Variants in POLI observed in about 807,000 individuals in gnomAD.
POLI encodes DNA polymerase iota.
Under a neutral mutation model 51.6 loss-of-function variants are expected in POLI, and 58 were observed. That is an observed-to-expected ratio of 1.12 (90% CI 0.91 to 1.40). POLI has a LOEUF of 1.40. Ranked by LOEUF, POLI falls within the 40% of genes most tolerant of loss-of-function variation. The probability of loss-of-function intolerance (pLI) is 0.00; values close to 1 mark genes in which losing one functional copy is unlikely to be tolerated. For synonymous variants in POLI, 322 were observed against 299.7 expected, an observed-to-expected ratio of 1.07 and a Z score of -0.77; for missense variants, 921 against 871.3, an observed-to-expected ratio of 1.06 and a Z score of -0.72.
At chr18:54,308,630 C>T (rs1432152368) in intron 3 of POLI, among the ~76,000 whole-genome samples, 2 of 152,164 alleles carry the variant, frequency 1.3e-5, no homozygotes, top group Non-Finnish European at 2.9e-5. Flanking sequence ...GTTGGTCTGC[C>T]TTGCTAGGTT....
At chr18:54,274,475 G>T (rs990879759) in intron 3 of POLI, among the ~76,000 whole-genome samples, 1 of 151,796 alleles carries the variant, frequency 6.6e-6, no homozygotes, top group Admixed American at 6.6e-5. Flanking sequence ...ATTGAAAGAG[G>T]CTTCTGTAAC....
intron 4 of POLI, among the ~76,000 whole-genome samples, chr18:54,278,770 T>C (rs1243075739): frequency 2.6e-5 from 4 of 152,244 alleles, no homozygotes; most frequent in South Asian, 2.1e-4. Flanking sequence ...AGACATCTTA[T>C]GACTCTGCTG....
chr18:54,279,404 G>A (rs1341309410), intron 4 of POLI, among the ~76,000 whole-genome samples: 1 of 151,740 alleles, frequency 6.6e-6, no homozygotes, highest in East Asian at 1.9e-4. Flanking sequence ...CACTACACCC[G>A]GCTAATTTTT....
rs1485933488 is a variant in POLI, at chr18:54,277,725, A to G, written c.429A>G (p.Pro143=). ...KVTELLEEFS[P]VVERLGFDEN... is the part of the protein sequence containing the mutation. ...TAGAATTACTGGAAGAATTTAGTCC[A>G]GTTGTTGAGAGACTTGGATTTGATG... Residue 143 remains proline (P), a synonymous_variant, in exon 4 of 10, where the codon CCA becomes CCG. Transcript: ENST00000579534. The G allele has an allele frequency of 1.2e-6, 2 of 1,602,394 alleles. No homozygotes were observed. The highest frequency in any genetic ancestry group is 3.4e-5 in the Admixed American group (2 of 58,902).
Position 54,295,473 on chromosome 18 carries a change from A to G in POLI, c.*1006A>G, listed in dbSNP as rs2088276412. ...ATAGAGGATGTTTATAGAATATACT[A>G]AAGTATCCCTCAGCACCAATATGGG... On this transcript the variant is annotated 3_prime_UTR_variant, in exon 10 of 10. Coordinates refer to ENST00000579534, the MANE Select transcript of POLI (RefSeq NM_007195.3). 1.6e-5 allele frequency: 15 copies of G among 961,704 alleles called. No homozygotes were observed. Among genetic ancestry groups the G allele is most frequent in the Middle Eastern group, 5.3e-4 (1 of 1,876 alleles). The allele number at this position is 961,704 out of a possible 1,614,324, so 59.6% of individuals were successfully genotyped here.
chr18:54,293,804 C>CT lies in POLI; in HGVS notation c.1561dup (p.Cys521LeufsTer5), dbSNP rs753333639. 2.8e-5 allele frequency: 45 copies of CT among 1,607,960 alleles called. No individual in the cohort carries two copies. The highest frequency in any genetic ancestry group is 3.7e-5 in the Non-Finnish European group (44 of 1,176,586). On this transcript the variant is annotated frameshift_variant, in exon 10 of 10. Transcript: ENST00000579534. LOFTEE classifies it low-confidence loss of function (END_TRUNC). ...AAAAAGACATTAATGAATTCCCACT[C>CT]TGTTCACTTCCTGAAGGTGTTGACC...
chr18:54,270,680 C>T (rs1466141896), intron 1 of POLI: 1 of 152,114 alleles, frequency 6.6e-6, no homozygotes, highest in African/African-American at 2.4e-5. Context: ...TTTTGCCTGT[C>T]TTGTTTTTAG....
intron 4 of POLI, among the ~76,000 whole-genome samples, chr18:54,279,065 C>T (rs927533430): frequency 3.9e-5 from 6 of 152,022 alleles, no homozygotes; most frequent in Non-Finnish European, 8.8e-5. Flanking sequence ...ATTTTTAAGG[C>T]AAACTTGGAT....
At position 54,269,660 on chromosome 18, in the gene POLI, G is replaced by A. The variant is rs1208160103; in HGVS notation, c.114G>A (p.Gln38=). 6.6e-7 allele frequency: 1 copy of A among 1,505,408 alleles called. No homozygotes were observed. The highest frequency in any genetic ancestry group is 8.8e-7 in the Non-Finnish European group (1 of 1,130,902). The allele number at this position is 1,505,408 out of a possible 1,614,324, so 93.3% of individuals were successfully genotyped here. A position where few individuals can be genotyped will look rare whatever the true frequency, so the allele number is the denominator to read the frequency against. The change falls in exon 1 of 10, where the codon CAG becomes CAA. Residue 38 remains glutamine (Q), a splice_region_variant and synonymous_variant. Coordinates refer to ENST00000579534, the MANE Select transcript of POLI (RefSeq NM_007195.3). ...ACGTGGGGGCGGCAGCCAGCTCGCA[G>A]GGTGCGCCGCAGCCAGAGGAGCCAG... ...LADVGAAASS[Q]GVHDQVLPTP...
At chr18:54,292,157 T>C (rs542121457) in intron 9 of POLI, 119 bp downstream of exon 9, 7 of 638,066 alleles carry the variant, frequency 1.1e-5, no homozygotes, top group East Asian at 7.9e-5. Context: ...TTGGGTGATA[T>C]TGTTTAGGTG....
Position 54,294,479 on chromosome 18 carries a change from A to C in POLI, c.*12A>C. 1.3e-6 allele frequency: 2 copies of C among 1,566,336 alleles called. No homozygotes were observed. The highest frequency in any genetic ancestry group is 3.4e-4 in the Middle Eastern group (2 of 5,806). On this transcript the variant is annotated 3_prime_UTR_variant, in exon 10 of 10. Transcript: ENST00000579534. ...TTGGACATAAATAAGCATATTCAGC[A>C]AAAAGGTCTGAAAAGCAAGGGAATA... is the stretch of plus-strand genomic sequence containing the variant.
intron 3 of POLI, 116 bp downstream of exon 3, chr18:54,274,206 A>G (rs180928859): frequency 2.1e-6 from 1 of 482,828 alleles, no homozygotes; most frequent in East Asian, 3.6e-5. Flanking sequence ...TTTCCTAATA[A>G]CTTCTTATTT....
At position 54,269,592 on chromosome 18, in the gene POLI, G is replaced by T; in HGVS notation, c.46G>T (p.Asp16Tyr). The T allele has an allele frequency of 6.7e-7, 1 of 1,500,014 alleles. No homozygotes were observed. Among genetic ancestry groups the T allele is most frequent in the Non-Finnish European group, 8.9e-7 (1 of 1,127,972 alleles). The allele number at this position is 1,500,014 out of a possible 1,614,324, so 92.9% of individuals were successfully genotyped here. A position where few individuals can be genotyped will look rare whatever the true frequency, so the allele number is the denominator to read the frequency against. Residue 16 changes from aspartate (D) to tyrosine (Y), a missense_variant, in exon 1 of 10, where the codon GAC becomes TAC. Physicochemically the swap from Asp to Tyr is radical, Grantham distance 160. Transcript: ENST00000579534. Reference protein sequence around the residue: ...VEPEEEGGGDDDEEDAEAWAM... With the variant: ...VEPEEEGGGDYDEEDAEAWAM... ...GCCGGAGGAGGAAGGCGGCGGCGAC[G>T]ACGACGAGGAAGACGCCGAGGCCTG...
chr18:54,302,132 T>C (rs1296739854), downstream of POLI, among the ~76,000 whole-genome samples: 2 of 152,228 alleles, frequency 1.3e-5, no homozygotes, highest in African/African-American at 4.8e-5. Context: ...GATGTCCGTA[T>C]CATTAGATCT....
In POLI at chr18:54,297,535, T is replaced by C. The variant is rs1158225074; in HGVS notation, c.*3068T>C. ...CTGTAGTGCCAAAGTACAAATTTAT[T>C]TGGATTTATTTTTTGCCATCTTATT... On this transcript the variant is annotated 3_prime_UTR_variant, in exon 10 of 10. Coordinates refer to ENST00000579534, the MANE Select transcript of POLI (RefSeq NM_007195.3). 2.0e-6 allele frequency: 2 copies of C among 979,392 alleles called. No individual in the cohort carries two copies. The highest frequency in any genetic ancestry group is 2.4e-6 in the Non-Finnish European group (2 of 824,624). The allele number at this position is 979,392 out of a possible 1,614,324, so 60.7% of individuals were successfully genotyped here.
intron 9 of POLI, among the ~76,000 whole-genome samples, chr18:54,292,755 G>C (rs971545300): frequency 2.6e-5 from 4 of 152,018 alleles, no homozygotes; most frequent in African/African-American, 9.7e-5. Flanking sequence ...AGTGAGAACA[G>C]GATAGTGTAT....
In POLI at chr18:54,279,580, G is replaced by A. The variant is rs187414808; in HGVS notation, c.560-1087G>A. ...TCTTGTAGATAAACCAGTTGTTATC[G>A]TTTTGCCACATTTGCTTTCTCTTGT... On this transcript the variant is annotated intron_variant, in intron 4 of 9. Transcript: ENST00000579534. 1.1e-3 allele frequency among the ~76,000 whole-genome samples: 164 copies of A among 152,084 alleles called. 4 individuals carry two copies. In the South Asian group the frequency reaches 0.03, roughly 28 times the overall value.
intron 7 of POLI, among the ~76,000 whole-genome samples, chr18:54,285,736 A>G (rs1372402923): frequency 1.3e-5 from 2 of 152,104 alleles, no homozygotes; most frequent in Non-Finnish European, 2.9e-5. Context: ...GAATTGCATA[A>G]TTAATATAAC....
chr18:54,282,818 T>C lies in POLI; in HGVS notation c.797-19T>C, dbSNP rs1351830976. ...GGAGAAAAGCTATTTTAACATTGTA[T>C]GCATTTCTTTTTATTTAGGTATTGG... is the stretch of plus-strand genomic sequence containing the variant. On this transcript the variant is annotated intron_variant, in intron 5 of 9. Coordinates refer to ENST00000579534, the MANE Select transcript of POLI (RefSeq NM_007195.3). 1.5e-6 allele frequency: 2 copies of C among 1,370,604 alleles called. No individual in the cohort carries two copies. Among genetic ancestry groups the C allele is most frequent in the Admixed American group, 2.1e-5 (1 of 48,012 alleles). 84.9% of individuals were successfully genotyped at this position (1,370,604 alleles called of 1,614,324 possible). A position where few individuals can be genotyped will look rare whatever the true frequency, so the allele number is the denominator to read the frequency against.
Sources: allele counts gnomAD v4.1 joint callset (sites outside exome capture counted in the v4.1 genomes callset), GRCh38; gene constraint gnomAD v4.1.1; transcripts MANE v1.5; gene names NCBI Gene and HGNC (gene_info 2026-07-23, HGNC 2026-07-21).